TIAM1: variants seen among roughly 807,000 people sequenced by gnomAD.
The protein encoded by TIAM1 is TIAM Rac1 associated GEF 1.
In TIAM1, 65 loss-of-function variants were observed where a neutral mutation model predicts 163.5. The ratio of observed to expected loss-of-function variants is 0.40; its 90% CI spans 0.33 to 0.49. The LOEUF is 0.49. Among genes scored for constraint, TIAM1 ranks in the 20% least tolerant of loss-of-function variants. TIAM1 has a pLI of 0.77. For synonymous variants in TIAM1, 833 were observed against 810.1 expected (o/e 1.03, Z -0.48); for missense variants, 1,789 against 2,044.7 (o/e 0.87, Z 2.41).
At chr21:31,203,651 A>C (rs1427695275) in intron 11 of TIAM1, among the ~76,000 whole-genome samples, 1 of 149,582 alleles carries the variant, frequency 6.7e-6, no homozygotes, top group African/African-American at 2.4e-5. Context: ...CAGATCAAAA[A>C]GGTTCTTAAA....
chr21:31,513,122 G>A (rs1719930591), intron 1 of TIAM1, among the ~76,000 whole-genome samples: 1 of 152,142 alleles, frequency 6.6e-6, no homozygotes, highest in African/African-American at 2.4e-5. Flanking sequence ...CTAAAGCAAT[G>A]CTATTTATTT....
chr21:31,289,523 C>T (rs2073934183), intron 2 of TIAM1, among the ~76,000 whole-genome samples: 1 of 152,050 alleles, frequency 6.6e-6, no homozygotes, highest in African/African-American at 2.4e-5. Context: ...GAGCTGGACC[C>T]CAGAAAAGTG....
intron 1 of TIAM1, among the ~76,000 whole-genome samples, chr21:31,557,783 G>A (rs1329616312): frequency 1.3e-5 from 2 of 152,146 alleles, no homozygotes; most frequent in South Asian, 2.1e-4. Flanking sequence ...GGAAAAGGCA[G>A]GCTCCGAGTC....
rs955609162 is a variant in TIAM1, at chr21:31,521,714, G to T, written c.-422+37213C>A. On this transcript the variant is annotated intron_variant, in intron 1 of 28. Coordinates refer to the TIAM1 transcript ENST00000286827. ...ACTTGTACCACTGCATGCCAGCCTG[G>T]GCAACAGAGCAAGACCCTGCCTCAC... Among the ~76,000 whole-genome samples, 5 of 143,140 alleles carry T rather than the reference G, an allele frequency of 3.5e-5. No individual in the cohort carries two copies. In the Admixed American group the frequency reaches 3.6e-4, roughly 10 times the overall value. The allele number at this position is 143,140 out of a possible 152,430, so 93.9% of individuals were successfully genotyped here.
intron 8 of TIAM1, among the ~76,000 whole-genome samples, chr21:31,219,489 GA>G (rs1356600146): frequency 2.0e-5 from 3 of 152,200 alleles, no homozygotes; most frequent in African/African-American, 7.2e-5. Context: ...TTGGTAACAT[GA>G]GGGGCCTCCC....
At chr21:31,332,963 G>C (rs2075725407) in intron 2 of TIAM1, among the ~76,000 whole-genome samples, 1 of 151,976 alleles carries the variant, frequency 6.6e-6, no homozygotes, top group Non-Finnish European at 1.5e-5. Flanking sequence ...ACCAGGCATG[G>C]TGATGTATGA....
chr21:31,133,213 T>A (rs945018210), intron 23 of TIAM1, among the ~76,000 whole-genome samples: 1 of 152,242 alleles, frequency 6.6e-6, no homozygotes, highest in African/African-American at 2.4e-5. Context: ...CGGCTGGGAA[T>A]CCACAGAAGC....
chr21:31,176,217 A>C (rs552326522), intron 15 of TIAM1, among the ~76,000 whole-genome samples: 1 of 152,324 alleles, frequency 6.6e-6, no homozygotes, highest in South Asian at 2.1e-4. Flanking sequence ...ATTGCTAGAT[A>C]AGATCAGTAT....
intron 1 of TIAM1, among the ~76,000 whole-genome samples, chr21:31,471,641 G>A (rs556322302): frequency 5.9e-5 from 9 of 152,030 alleles, no homozygotes; most frequent in South Asian, 4.2e-4. Flanking sequence ...AGGCTGAGAC[G>A]GGTGGATCAC....
At chr21:31,473,379 G>A (rs1254155501) in intron 1 of TIAM1, among the ~76,000 whole-genome samples, 7 of 138,170 alleles carry the variant, frequency 5.1e-5, no homozygotes, top group South Asian at 2.5e-4. Context: ...GCAGTGAGCC[G>A]TGATCGTGCC....
At chr21:31,455,416 A>T (rs868070826) in intron 2 of TIAM1, among the ~76,000 whole-genome samples, 1 of 147,370 alleles carries the variant, frequency 6.8e-6, no homozygotes, top group African/African-American at 2.5e-5. Context: ...TTTAATTTTA[A>T]TTTTTTTTTT....
intron 2 of TIAM1, among the ~76,000 whole-genome samples, chr21:31,382,317 G>C (rs2076792164): frequency 6.6e-6 from 1 of 152,190 alleles, no homozygotes; most frequent in South Asian, 2.1e-4. Flanking sequence ...GGTGACAAAA[G>C]GCATGACTTG....
At chr21:31,260,064 A>G (rs1461263886) in intron 4 of TIAM1, among the ~76,000 whole-genome samples, 1 of 149,844 alleles carries the variant, frequency 6.7e-6, no homozygotes, top group Non-Finnish European at 1.5e-5. Flanking sequence ...CAGTCTTGCA[A>G]GTAGCTGGGA....
At chr21:31,479,418 TGGAC>T (rs1459962918) in intron 1 of TIAM1, among the ~76,000 whole-genome samples, 1 of 150,050 alleles carries the variant, frequency 6.7e-6, no homozygotes, top group East Asian at 1.9e-4. Flanking sequence ...GGCGGGCGGA[TGGAC>T]GGACGGACGG....
intron 2 of TIAM1, among the ~76,000 whole-genome samples, chr21:31,435,023 G>A (rs981680377): frequency 6.6e-6 from 1 of 152,232 alleles, no homozygotes; most frequent in Non-Finnish European, 1.5e-5. Context: ...AGATCAGTCT[G>A]AACAGACTAC....
In TIAM1 at chr21:31,141,050, T is replaced by C; in HGVS notation, c.3774+68A>G. ...AAGTAACACCTTTTTAAAAAATAAA[T>C]AAATAAATAAAAGCAAACTCAAACT... On this transcript the variant is annotated intron_variant, in intron 22 of 27. Transcript: ENST00000541036. This position sits in a 1 kb window ranked among gnomAD's most constrained non-coding sequence, Gnocchi z 4.7. The C allele has an allele frequency of 8.1e-7, 1 of 1,240,430 alleles. No homozygotes were observed. The highest frequency in any genetic ancestry group is 1.1e-6 in the Non-Finnish European group (1 of 886,264). 76.8% of individuals were successfully genotyped at this position (1,240,430 alleles called of 1,614,324 possible).
chr21:31,223,480 C>T lies in TIAM1; in HGVS notation c.1921G>A (p.Ala641Thr), dbSNP rs774239958. The T allele has an allele frequency of 3.1e-6, 5 of 1,613,808 alleles. No individual in the cohort carries two copies. The highest frequency in any genetic ancestry group is 3.4e-6 in the Non-Finnish European group (4 of 1,179,930). The change falls in exon 8 of 28, where the codon GCT (alanine) becomes ACT (threonine). Residue 641 changes from alanine to threonine, a missense_variant. Physicochemically the swap from Ala to Thr is moderately conservative, Grantham distance 58. Transcript: ENST00000541036. ...GELPNPKRLL[A>T]FASRPTKVAM... ...ACTTTCGTTGGTCGACTTGCAAAAG[C>T]GAGAAGCCTTTTGGGGTTTGGCAGC...
chr21:31,120,607 C>T lies in TIAM1; in HGVS notation c.4537G>A (p.Glu1513Lys). 1.2e-6 allele frequency: 2 copies of T among 1,614,140 alleles called. No homozygotes were observed. The highest frequency in any genetic ancestry group is 1.7e-6 in the Non-Finnish European group (2 of 1,180,036). The change falls in exon 28 of 28, where the codon GAG becomes AAG. Residue 1513 changes from glutamate (E) to lysine (K), a missense_variant. This residue lies in a region of TIAM1 where 415 missense variants were observed against 439.2 expected (regional missense o/e 0.94). Transcript: ENST00000541036. The surrounding 1 kb of genome is among the most constrained non-coding windows in gnomAD (Gnocchi z 4.2). ...DILSDDDEFCESVKGASVDRD... is the reference protein window; with the variant it reads ...DILSDDDEFCKSVKGASVDRD... ...TCCACTGAGGCACCCTTCACGGACT[C>T]ACAGAACTCATCATCGTCACTGAGG...
intron 2 of TIAM1, among the ~76,000 whole-genome samples, chr21:31,370,454 C>G (rs1419732159): frequency 1.3e-5 from 2 of 152,000 alleles, no homozygotes; most frequent in Non-Finnish European, 2.9e-5. Context: ...ATACAGACAA[C>G]CCAGTATGGG....
Sources: allele counts gnomAD v4.1 joint callset (sites outside exome capture counted in the v4.1 genomes callset), GRCh38; gene constraint gnomAD v4.1.1; regional missense constraint gnomAD v4.1.1; non-coding constraint Gnocchi (gnomAD v3.1); transcripts MANE v1.5; gene names NCBI Gene and HGNC (gene_info 2026-07-23, HGNC 2026-07-21).